Variants in MAF observed in about 807,000 individuals in gnomAD.
MAF encodes the protein MAF bZIP transcription factor, also known as transcription factor Maf.
A neutral mutation model predicts 22.0 loss-of-function variants in MAF; 10 were observed. That is an observed-to-expected ratio of 0.45 (90% CI 0.28 to 0.77). The LOEUF (loss-of-function observed/expected upper bound fraction) is 0.77. Among genes scored for constraint, MAF ranks in the 30% least tolerant of loss-of-function variants. The pLI, the probability that MAF is intolerant of heterozygous loss-of-function variation, is 0.12. For missense variants in MAF, 544 were observed against 548.4 expected (o/e 0.99, Z 0.08); for synonymous variants, 337 against 255.8 (o/e 1.32, Z -3.03).
At chr16:79,340,573 G>T in the MAF span, among the ~76,000 whole-genome samples, 4 of 151,846 alleles carry the variant, frequency 2.6e-5, no homozygotes, top group South Asian at 8.4e-4. Flanking sequence ...TTGGCATTTG[G>T]GATCAGATAA....
At chr16:79,530,766 T>C in the MAF span, among the ~76,000 whole-genome samples, 5 of 152,236 alleles carry the variant, frequency 3.3e-5, no homozygotes, top group African/African-American at 7.2e-5. Context: ...TTGTGGTTTA[T>C]TGTATCCTTT....
chr16:79,546,473 T>A, the MAF span, among the ~76,000 whole-genome samples: 4 of 152,144 alleles, frequency 2.6e-5, no homozygotes, highest in East Asian at 7.7e-4. Flanking sequence ...ATAAGATGGT[T>A]TTCAACGTGG....
chr16:79,561,737 T>A, the MAF span, among the ~76,000 whole-genome samples: 1 of 152,144 alleles, frequency 6.6e-6, no homozygotes, highest in Non-Finnish European at 1.5e-5. Flanking sequence ...CAAAGCCAAA[T>A]AAAAATTAGA....
the MAF span, among the ~76,000 whole-genome samples, chr16:79,275,864 G>A: frequency 4.6e-5 from 7 of 152,244 alleles, no homozygotes; most frequent in East Asian, 1.9e-4. Context: ...AGGCCAGGCA[G>A]GGTGCGGGGG....
chr16:79,595,646 T>A (rs1679248935), intron 1 of MAF: 1 of 1,057,582 alleles, frequency 9.5e-7, no homozygotes, highest in African/African-American at 1.6e-5. Flanking sequence ...CCAAGGGATC[T>A]TTAAGTCAGC....
chr16:79,597,114 G>C, intron 1 of MAF: 1 of 1,058,694 alleles, frequency 9.4e-7, no homozygotes, highest in South Asian at 4.6e-5. Context: ...TGCTGTATAA[G>C]CTACTTTTTT....
chr16:79,319,908 T>C, the MAF span, among the ~76,000 whole-genome samples: 1 of 152,182 alleles, frequency 6.6e-6, no homozygotes, highest in Non-Finnish European at 1.5e-5. Context: ...TGGTTGGAGA[T>C]GGGCTTTCTG....
the MAF span, chr16:79,211,541 C>G: frequency 5.6e-6 from 9 of 1,604,662 alleles, no homozygotes; most frequent in Non-Finnish European, 2.6e-6. Context: ...CCCAGGCAGT[C>G]GAAATGACGC....
At chr16:79,513,523 A>G in the MAF span, among the ~76,000 whole-genome samples, 1 of 152,204 alleles carries the variant, frequency 6.6e-6, no homozygotes, top group South Asian at 2.1e-4. Flanking sequence ...GAAGGCAAAT[A>G]CATGGGAGGG....
the MAF span, among the ~76,000 whole-genome samples, chr16:79,362,624 G>T: frequency 6.6e-6 from 1 of 152,180 alleles, no homozygotes; most frequent in Non-Finnish European, 1.5e-5. Flanking sequence ...GGAATATTCT[G>T]AAAGACTTGT....
At chr16:79,212,065 G>A in the MAF span, 74 of 1,536,354 alleles carry the variant, frequency 4.8e-5, no homozygotes, top group Non-Finnish European at 4.9e-5. Flanking sequence ...CCTGCTTGGT[G>A]TGTAGGTTCC....
At chr16:79,391,643 G>A in the MAF span, among the ~76,000 whole-genome samples, 3 of 152,154 alleles carry the variant, frequency 2.0e-5, no homozygotes, top group Non-Finnish European at 4.4e-5. Flanking sequence ...TCCCCCCGGG[G>A]TCGGCTTCCC....
chr16:79,314,824 A>C, the MAF span, among the ~76,000 whole-genome samples: 1 of 152,130 alleles, frequency 6.6e-6, no homozygotes, highest in African/African-American at 2.4e-5. Context: ...CCCTTCCTAG[A>C]AGGCAGAGGG....
At chr16:79,433,266 G>T in the MAF span, among the ~76,000 whole-genome samples, 2 of 71,004 alleles carry the variant, frequency 2.8e-5, no homozygotes, top group East Asian at 5.3e-4. Flanking sequence ...GATAAGACAA[G>T]TAAAAAAAAA....
the MAF span, among the ~76,000 whole-genome samples, chr16:79,286,533 C>A: frequency 5.3e-5 from 8 of 152,330 alleles, no homozygotes; most frequent in East Asian, 1.3e-3. Context: ...CACCATTATC[C>A]TTGCATGCAC....
chr16:79,514,518 T>C, the MAF span, among the ~76,000 whole-genome samples: 1 of 152,218 alleles, frequency 6.6e-6, no homozygotes, highest in Non-Finnish European at 1.5e-5. Context: ...TATCAGCTTA[T>C]GACCCAGAGC....
chr16:79,244,741 A>G, the MAF span, among the ~76,000 whole-genome samples: 2 of 152,078 alleles, frequency 1.3e-5, no homozygotes, highest in South Asian at 4.1e-4. Flanking sequence ...TGGAACCAAA[A>G]AAGAGCCCGC....
At chr16:79,518,826 G>A in the MAF span, among the ~76,000 whole-genome samples, 20 of 152,196 alleles carry the variant, frequency 1.3e-4, no homozygotes, top group African/African-American at 4.6e-4. Flanking sequence ...TCGGGAGGCT[G>A]AGGCAGGAGA....
the MAF span, among the ~76,000 whole-genome samples, chr16:79,214,916 G>A: frequency 4.0e-5 from 6 of 150,626 alleles, no homozygotes; most frequent in Admixed American, 4.0e-4. Context: ...GACCATGTTG[G>A]CCAGGCTGGT....
Sources: gnomAD v4.1 joint callset for allele counts (sites outside exome capture counted in the v4.1 genomes callset) on GRCh38, gnomAD v4.1.1 for gene constraint, MANE v1.5 for transcripts, NCBI Gene and HGNC (gene_info 2026-07-23, HGNC 2026-07-21) for gene names.